CSMD3: variants seen among roughly 807,000 people sequenced by gnomAD.
The protein encoded by CSMD3 is CUB and Sushi multiple domains 3.
Under a neutral mutation model 435.2 loss-of-function variants are expected in CSMD3, and 177 were observed. The ratio of observed to expected loss-of-function variants is 0.41; its 90% CI spans 0.36 to 0.46. The LOEUF (loss-of-function observed/expected upper bound fraction) is 0.46. Among genes scored for constraint, CSMD3 ranks in the 20% least tolerant of loss-of-function variants. CSMD3 has a pLI of 0.34. For missense variants in CSMD3, 4,265 were observed against 4,504.6 expected (o/e 0.95, Z 1.52); for synonymous variants, 1,656 against 1,520.5 (o/e 1.09, Z -2.07).
At chr8:112,523,453 A>G (rs1187079188) in intron 27 of CSMD3, among the ~76,000 whole-genome samples, 2 of 151,980 alleles carry the variant, frequency 1.3e-5, no homozygotes, top group Admixed American at 6.6e-5. Flanking sequence ...ATTTTTTGCC[A>G]TGTGTCAGGA....
chr8:113,286,096 C>T (rs866414306), intron 2 of CSMD3, among the ~76,000 whole-genome samples: 1 of 152,000 alleles, frequency 6.6e-6, no homozygotes, highest in African/African-American at 2.4e-5. Context: ...GTCCCTACTC[C>T]CACATACACC....
At chr8:112,637,572 T>TC (rs2074697472) in intron 21 of CSMD3, among the ~76,000 whole-genome samples, 1 of 152,070 alleles carries the variant, frequency 6.6e-6, no homozygotes, top group African/African-American at 2.4e-5. Flanking sequence ...CAGGAAGTTT[T>TC]CCCCAGGCAA....
intron 11 of CSMD3, among the ~76,000 whole-genome samples, chr8:112,858,184 A>G: frequency 6.6e-6 from 1 of 151,690 alleles, no homozygotes; most frequent in Non-Finnish European, 1.5e-5. Flanking sequence ...AATAACAATG[A>G]ATTAATAATG....
At chr8:113,098,995 G>A in intron 4 of CSMD3, 32 bp from the exon 5 acceptor site, 2 of 1,370,416 alleles carry the variant, frequency 1.5e-6, no homozygotes, top group Non-Finnish European at 2.1e-6. Context: ...TCAGTTGTAA[G>A]TTATTGAGAT....
chr8:112,486,760 T>A lies in CSMD3; in HGVS notation c.5278+5729A>T, dbSNP rs1024688774. ...TCTCTCTTCACAGCAAGATCAGATG[T>A]ATATCCATGCTGTGCTCACAGTACT... On this transcript the variant is annotated intron_variant, in intron 31 of 70. Coordinates refer to ENST00000297405, the MANE Select transcript of CSMD3 (RefSeq NM_198123.2). Among the ~76,000 whole-genome samples the A allele has an allele frequency of 5.3e-5, 8 of 152,146 alleles. No individual in the cohort carries two copies. The South Asian group carries it at 6.2e-4, about 12-fold the overall frequency.
chr8:113,163,687 G>T (rs1219101053), intron 4 of CSMD3, among the ~76,000 whole-genome samples: 1 of 151,994 alleles, frequency 6.6e-6, no homozygotes, highest in Non-Finnish European at 1.5e-5. Context: ...TTAACAAAGA[G>T]ATTCAAACTT....
chr8:112,961,443 C>G (rs892980127), intron 7 of CSMD3, among the ~76,000 whole-genome samples: 1 of 151,752 alleles, frequency 6.6e-6, no homozygotes, highest in Non-Finnish European at 1.5e-5. Flanking sequence ...TCAAGATTCT[C>G]CACTAACAAG....
In CSMD3 at chr8:113,436,838, T is replaced by C. The variant is rs767905599; in HGVS notation, c.17A>G (p.Lys6Arg). The stretch of plus-strand genomic sequence containing the variant: ...GGATTCCTTTGCTCGGCTTTCCCCT[T>C]TGCGGATCCCTTTCATATTATTCGC... MKGIRKGESRAKESKP... is the reference protein window; with the variant it reads MKGIRRGESRAKESKP... Residue 6 changes from lysine to arginine, a missense_variant, in exon 1 of 71, where the codon AAA becomes AGA. Lys to Arg is a conservative substitution (Grantham distance 26). This residue lies in a region of CSMD3 where 731 missense variants were observed against 755.4 expected (regional missense o/e 0.97). Transcript: ENST00000297405. 5 of 1,614,116 alleles carry C rather than the reference T, an allele frequency of 3.1e-6. No homozygotes were observed. The highest frequency in any genetic ancestry group is 3.4e-6 in the Non-Finnish European group (4 of 1,180,038).
intron 5 of CSMD3, among the ~76,000 whole-genome samples, chr8:113,048,098 T>C (rs1024860047): frequency 2.6e-4 from 38 of 148,900 alleles, no homozygotes; most frequent in African/African-American, 9.2e-4. Context: ...TTTTTTTTTT[T>C]TTTTTTGAGA....
At chr8:112,372,306 A>T (rs1394946412) in intron 38 of CSMD3, among the ~76,000 whole-genome samples, 1 of 152,222 alleles carries the variant, frequency 6.6e-6, no homozygotes, top group Non-Finnish European at 1.5e-5. Context: ...TGAAACATTA[A>T]GAAATCAGTG....
intron 11 of CSMD3, among the ~76,000 whole-genome samples, chr8:112,856,659 G>A (rs899211478): frequency 4.6e-5 from 7 of 151,796 alleles, no homozygotes; most frequent in Non-Finnish European, 1.0e-4. Flanking sequence ...ATTGAAACTT[G>A]TTTAATTAAT....
At chr8:112,343,259 A>G (rs975289784) in intron 41 of CSMD3, among the ~76,000 whole-genome samples, 1 of 152,082 alleles carries the variant, frequency 6.6e-6, no homozygotes, top group Non-Finnish European at 1.5e-5. Context: ...TCATTTTAAA[A>G]TAATTCATTT....
chr8:112,450,785 C>A (rs1263246115), intron 32 of CSMD3, among the ~76,000 whole-genome samples: 1 of 152,132 alleles, frequency 6.6e-6, no homozygotes, highest in African/African-American at 2.4e-5. Context: ...ATAATCTGGG[C>A]AATTTCTTAC....
intron 27 of CSMD3, among the ~76,000 whole-genome samples, chr8:112,527,713 A>AT (rs1414651669): frequency 1.3e-5 from 2 of 151,922 alleles, no homozygotes; most frequent in Non-Finnish European, 2.9e-5. Context: ...TAAAATATTA[A>AT]TTTTTAACTG....
At chr8:112,305,982 G>A (rs767960269) in intron 51 of CSMD3, 25 bp downstream of exon 51, 1 of 1,591,696 alleles carries the variant, frequency 6.3e-7, no homozygotes, top group Non-Finnish European at 8.6e-7. Flanking sequence ...AAAAACAAGT[G>A]ATGAAATTCC....
chr8:112,617,636 C>T (rs1015422899), intron 22 of CSMD3, among the ~76,000 whole-genome samples: 5 of 152,090 alleles, frequency 3.3e-5, no homozygotes, highest in African/African-American at 1.2e-4. Flanking sequence ...AATTCCATGG[C>T]CAGTGGACAT....
intron 9 of CSMD3, among the ~76,000 whole-genome samples, chr8:112,938,358 T>C (rs2083349461): frequency 6.6e-6 from 1 of 152,208 alleles, no homozygotes; most frequent in African/African-American, 2.4e-5. Flanking sequence ...ATACCTCGAA[T>C]TGTGATTCTT....
intron 1 of CSMD3, among the ~76,000 whole-genome samples, chr8:113,410,144 T>C (rs1233286504): frequency 9.9e-5 from 15 of 152,162 alleles, no homozygotes; most frequent in Non-Finnish European, 2.1e-4. Context: ...ACTTGTAAGT[T>C]TGTTTTTGTT....
At chr8:112,632,351 G>T (rs1245453123) in intron 22 of CSMD3, among the ~76,000 whole-genome samples, 1 of 151,966 alleles carries the variant, frequency 6.6e-6, no homozygotes, top group African/African-American at 2.4e-5. Flanking sequence ...TTTGACTCAT[G>T]ATTAAGGCAA....
Sources: gnomAD v4.1 joint callset for allele counts (sites outside exome capture counted in the v4.1 genomes callset) on GRCh38, gnomAD v4.1.1 for gene constraint, gnomAD v4.1.1 regional missense constraint, MANE v1.5 for transcripts, NCBI Gene and HGNC (gene_info 2026-07-23, HGNC 2026-07-21) for gene names.